The following SGCZ variants were observed in gnomAD, a reference collection of about 807,000 sequenced individuals.
SGCZ encodes zeta-sarcoglycan.
A neutral mutation model predicts 41.3 loss-of-function variants in SGCZ; 40 were observed. The ratio of observed to expected loss-of-function variants is 0.97; its 90% CI spans 0.75 to 1.26. The LOEUF is 1.26. Ranked by LOEUF, SGCZ falls within the 50% of genes most tolerant of loss-of-function variation. SGCZ has a pLI of 0.00. For missense variants in SGCZ, 552 were observed against 369.8 expected, an observed-to-expected ratio of 1.49 and a Z score of -4.04; for synonymous variants, 206 against 137.5, an observed-to-expected ratio of 1.50 and a Z score of -3.49.
At chr8:14,499,897 G>T (rs1802100526) in intron 2 of SGCZ, among the ~76,000 whole-genome samples, 1 of 151,838 alleles carries the variant, frequency 6.6e-6, no homozygotes, top group African/African-American at 2.4e-5. Flanking sequence ...ATTTATCAAG[G>T]GGAACTTGGA....
At chr8:14,588,613 G>C (rs974832752) in intron 1 of SGCZ, among the ~76,000 whole-genome samples, 14 of 151,954 alleles carry the variant, frequency 9.2e-5, no homozygotes, top group African/African-American at 2.4e-4. Context: ...AAGTAAAAAT[G>C]AGAAAAGAAA....
At chr8:15,012,986 G>A (rs1439132212) in intron 1 of SGCZ, among the ~76,000 whole-genome samples, 1 of 151,774 alleles carries the variant, frequency 6.6e-6, no homozygotes, top group Non-Finnish European at 1.5e-5. Flanking sequence ...GTTTATATTT[G>A]GAAAAGCTGT....
chr8:14,425,622 A>C (rs909288519), intron 2 of SGCZ, among the ~76,000 whole-genome samples: 4 of 122,404 alleles, frequency 3.3e-5, no homozygotes, highest in African/African-American at 1.5e-4. Context: ...ATCCCTCTCA[A>C]AAAGAAAAAG....
At chr8:15,190,364 T>TCATTCATTCATC (rs1714896921) in intron 1 of SGCZ, among the ~76,000 whole-genome samples, 1 of 151,994 alleles carries the variant, frequency 6.6e-6, no homozygotes, top group East Asian at 1.9e-4. Flanking sequence ...ATTCATTCAT[T>TCATTCATTCATC]CATCTATTAT....
At chr8:14,822,095 C>A (rs895576012) in intron 1 of SGCZ, among the ~76,000 whole-genome samples, 1 of 151,818 alleles carries the variant, frequency 6.6e-6, no homozygotes, top group African/African-American at 2.4e-5. Context: ...CACACACACA[C>A]ACACACACAC....
intron 1 of SGCZ, among the ~76,000 whole-genome samples, chr8:14,675,729 C>G (rs1363409070): frequency 3.3e-5 from 5 of 152,120 alleles, no homozygotes; most frequent in African/African-American, 7.2e-5. Context: ...GAACTCCCAA[C>G]AAAATATGTA....
At chr8:14,151,482 G>A (rs1010277950) in intron 5 of SGCZ, among the ~76,000 whole-genome samples, 2 of 151,908 alleles carry the variant, frequency 1.3e-5, no homozygotes, top group Admixed American at 1.3e-4. Context: ...TTATAGATCA[G>A]AGGATTCAAT....
intron 1 of SGCZ, among the ~76,000 whole-genome samples, chr8:15,117,004 T>A (rs539998105): frequency 6.6e-6 from 1 of 152,252 alleles, no homozygotes; most frequent in African/African-American, 2.4e-5. Context: ...TAATAACAGT[T>A]ACATCTTTGC....
intron 1 of SGCZ, among the ~76,000 whole-genome samples, chr8:14,936,460 G>GT (rs1292179534): frequency 6.6e-6 from 1 of 151,812 alleles, no homozygotes; most frequent in East Asian, 1.9e-4. Context: ...TGTACTTAAA[G>GT]TTAAAAACAG....
At position 14,777,143 on chromosome 8, in the gene SGCZ, T is replaced by A. The variant is rs185868350; in HGVS notation, c.40-222217A>T. On this transcript the variant is annotated intron_variant, in intron 1 of 7. Coordinates refer to ENST00000382080, the MANE Select transcript of SGCZ (RefSeq NM_139167.4). ...TTAAATTTAGTAAATGCTCAAGATGTGGCATTTGAAACATGGACGTTTATC... is the reference window on the plus strand; with the variant it reads ...TTAAATTTAGTAAATGCTCAAGATGAGGCATTTGAAACATGGACGTTTATC... Among the ~76,000 whole-genome samples the A allele has an allele frequency of 2.3e-3, 349 of 152,316 alleles. 3 individuals are homozygous for A. Among genetic ancestry groups the A allele is most frequent in the African/African-American group, 8.2e-3 (341 of 41,580 alleles).
At chr8:14,594,844 AT>A (rs368753796) in intron 1 of SGCZ, among the ~76,000 whole-genome samples, 2 of 151,594 alleles carry the variant, frequency 1.3e-5, no homozygotes, top group Non-Finnish European at 2.9e-5. Context: ...TTCCTTAAAA[AT>A]TTTTTTACCA....
chr8:14,669,581 T>G (rs1808034973), intron 1 of SGCZ, among the ~76,000 whole-genome samples: 1 of 151,980 alleles, frequency 6.6e-6, no homozygotes, highest in African/African-American at 2.4e-5. Context: ...GTATTTGTCT[T>G]CTTGTATCTG....
intron 1 of SGCZ, among the ~76,000 whole-genome samples, chr8:14,975,789 T>TTTA (rs757234349): frequency 1.6e-5 from 2 of 125,436 alleles, no homozygotes; most frequent in Admixed American, 8.1e-5. Context: ...TTTTCCACTT[T>TTTA]TATATATATA....
chr8:14,157,673 A>G (rs1308526983), intron 5 of SGCZ, among the ~76,000 whole-genome samples: 1 of 152,166 alleles, frequency 6.6e-6, no homozygotes, highest in Non-Finnish European at 1.5e-5. Flanking sequence ...ATTCACTATA[A>G]GAAATATAAA....
intron 2 of SGCZ, among the ~76,000 whole-genome samples, chr8:14,443,711 G>A (rs1467860100): frequency 1.3e-5 from 2 of 152,122 alleles, no homozygotes; most frequent in Non-Finnish European, 2.9e-5. Flanking sequence ...AAAAATCCTA[G>A]AAGAAAACCT....
At chr8:14,701,764 C>T (rs1380480270) in intron 1 of SGCZ, among the ~76,000 whole-genome samples, 2 of 151,802 alleles carry the variant, frequency 1.3e-5, no homozygotes, top group Non-Finnish European at 2.9e-5. Flanking sequence ...GACCTCTTAC[C>T]AAACCCCCTG....
At chr8:14,455,475 C>CAT (rs922294773) in intron 2 of SGCZ, among the ~76,000 whole-genome samples, 8 of 151,696 alleles carry the variant, frequency 5.3e-5, no homozygotes, top group African/African-American at 1.9e-4. Context: ...CACACACACA[C>CAT]ACACACACAC....
chr8:15,004,229 C>G (rs1427883568), intron 1 of SGCZ, among the ~76,000 whole-genome samples: 1 of 152,088 alleles, frequency 6.6e-6, no homozygotes, highest in Non-Finnish European at 1.5e-5. Context: ...TACGCAGGTG[C>G]ACCAAGTATA....
At chr8:15,116,500 G>A (rs932449518) in intron 1 of SGCZ, among the ~76,000 whole-genome samples, 8 of 152,162 alleles carry the variant, frequency 5.3e-5, no homozygotes, top group African/African-American at 9.7e-5. Flanking sequence ...AATTTTAAAC[G>A]ATAGATTTTG....
Sources: allele counts gnomAD v4.1 joint callset (sites outside exome capture counted in the v4.1 genomes callset), GRCh38; gene constraint gnomAD v4.1.1; transcripts MANE v1.5; gene names NCBI Gene and HGNC (gene_info 2026-07-23, HGNC 2026-07-21).